CSMD3: variants seen among roughly 807,000 people sequenced by gnomAD.
CSMD3 encodes the protein CUB and Sushi multiple domains 3.
CSMD3 carries 177 observed loss-of-function variants against 435.2 expected under a neutral mutation model. The ratio of observed to expected loss-of-function variants is 0.41; its 90% CI spans 0.36 to 0.46. CSMD3 has a LOEUF of 0.46. Ranked by LOEUF, CSMD3 falls within the 20% of genes least tolerant of loss-of-function variation. The probability of loss-of-function intolerance (pLI) is 0.34; values close to 1 mark genes in which losing one functional copy is unlikely to be tolerated. For synonymous variants in CSMD3, 1,656 were observed against 1,520.5 expected (o/e 1.09, Z -2.07); for missense variants, 4,265 against 4,504.6 (o/e 0.95, Z 1.52).
chr8:112,832,883 A>C lies in CSMD3; in HGVS notation c.1756-3094T>G, dbSNP rs2079917210. Among the ~76,000 whole-genome samples, 5 of 152,276 alleles carry C rather than the reference A, an allele frequency of 3.3e-5. 1 individual carries two copies. The South Asian group carries it at 1.0e-3, about 32-fold the overall frequency. On this transcript the variant is annotated intron_variant, in intron 11 of 70. Transcript: ENST00000297405. ...TTTCATTTTTCCCTCCAATATGAAC[A>C]TCCAGTTGTCTCAATACTTTTTATT...
At chr8:112,409,153 T>A in intron 32 of CSMD3, 121 bp from the exon 33 acceptor site, 5 of 1,523,180 alleles carry the variant, frequency 3.3e-6, no homozygotes, top group Non-Finnish European at 3.5e-6. Flanking sequence ...AATAGTCATT[T>A]TTTTTCTACC....
chr8:112,909,170 T>A (rs1382913600), intron 10 of CSMD3, among the ~76,000 whole-genome samples: 1 of 151,580 alleles, frequency 6.6e-6, no homozygotes, highest in Non-Finnish European at 1.5e-5. Flanking sequence ...TGAATATTTA[T>A]CATTCAAACA....
At chr8:112,781,009 A>G (rs1036648736) in intron 13 of CSMD3, among the ~76,000 whole-genome samples, 4 of 152,008 alleles carry the variant, frequency 2.6e-5, no homozygotes, top group Non-Finnish European at 5.9e-5. Context: ...AGCTTCTGTC[A>G]CCCACCCCTA....
intron 13 of CSMD3, among the ~76,000 whole-genome samples, chr8:112,758,051 A>G (rs1170174131): frequency 6.6e-6 from 1 of 151,898 alleles, no homozygotes. Flanking sequence ...ATGAAACTCC[A>G]TCTCAAAGAT....
chr8:112,665,362 G>A (rs2075496195), intron 17 of CSMD3, among the ~76,000 whole-genome samples: 1 of 152,084 alleles, frequency 6.6e-6, no homozygotes, highest in Admixed American at 6.6e-5. Flanking sequence ...GTAGAATGAA[G>A]CCATGTGAAA....
At chr8:112,724,228 T>C (rs1242533183) in intron 13 of CSMD3, among the ~76,000 whole-genome samples, 3 of 151,696 alleles carry the variant, frequency 2.0e-5, no homozygotes, top group African/African-American at 4.8e-5. Flanking sequence ...CATGGACATA[T>C]AAGAGGAAAG....
chr8:113,027,379 A>G (rs1423335133), intron 5 of CSMD3, among the ~76,000 whole-genome samples: 1 of 152,178 alleles, frequency 6.6e-6, no homozygotes, highest in Non-Finnish European at 1.5e-5. Flanking sequence ...GCGGGGTACT[A>G]AAAGTTGAAA....
intron 22 of CSMD3, among the ~76,000 whole-genome samples, chr8:112,625,051 A>G (rs1167413714): frequency 6.6e-6 from 1 of 152,108 alleles, no homozygotes; most frequent in Non-Finnish European, 1.5e-5. Flanking sequence ...AAAAAAAAGA[A>G]AAGAAAACAT....
At chr8:112,583,183 T>C (rs1044069851) in intron 23 of CSMD3, among the ~76,000 whole-genome samples, 4 of 152,040 alleles carry the variant, frequency 2.6e-5, no homozygotes, top group African/African-American at 4.8e-5. Flanking sequence ...AGGAATAATA[T>C]ACAAAGTGTG....
rs762653974 is a variant in CSMD3, at chr8:112,586,128, T to C, written c.3885+938A>G. On this transcript the variant is annotated intron_variant, in intron 23 of 70. Coordinates refer to ENST00000297405, the MANE Select transcript of CSMD3 (RefSeq NM_198123.2). ...GTTATTGTGTTAGAGAGCCATCAAT[T>C]ACCATGAAATAATATTTTTTTAAAA... Among the ~76,000 whole-genome samples, 77 of 151,626 alleles carry C rather than the reference T, an allele frequency of 5.1e-4. 1 individual carries two copies. The highest frequency in any genetic ancestry group is 1.0e-4 in the Non-Finnish European group (7 of 67,634).
Position 112,681,028 on chromosome 8 carries a change from T to C in CSMD3, c.2677+1414A>G, listed in dbSNP as rs552481580. Among the ~76,000 whole-genome samples, 6 of 151,414 alleles carry C rather than the reference T, an allele frequency of 4.0e-5. No individual in the cohort carries two copies. In the East Asian group the frequency reaches 1.2e-3, roughly 29 times the overall value. On this transcript the variant is annotated intron_variant, in intron 16 of 70. Coordinates refer to ENST00000297405, the MANE Select transcript of CSMD3 (RefSeq NM_198123.2). ...TTAGTAAAAGTTCATTTGTATACTT[T>C]TTTCCTTTTTCTTTTTTTTTTTTTT...
At chr8:112,338,352 T>C (rs1177390352) in intron 42 of CSMD3, among the ~76,000 whole-genome samples, 2 of 152,240 alleles carry the variant, frequency 1.3e-5, no homozygotes, top group Admixed American at 6.5e-5. Context: ...CTACATTTTG[T>C]ATGAGATCAA....
intron 13 of CSMD3, among the ~76,000 whole-genome samples, chr8:112,769,125 G>C (rs2078052106): frequency 1.3e-5 from 2 of 151,824 alleles, no homozygotes; most frequent in Admixed American, 1.3e-4. Context: ...CTCTAATATG[G>C]AATGATCTCT....
intron 4 of CSMD3, among the ~76,000 whole-genome samples, chr8:113,153,101 A>AAAGAAAGGAAAG (rs35085690): frequency 1.0e-5 from 1 of 99,992 alleles, no homozygotes; most frequent in African/African-American, 4.7e-5. Flanking sequence ...AGAAAGAAAG[A>AAAGAAAGGAAAG]AAAGAAAGAA....
intron 9 of CSMD3, among the ~76,000 whole-genome samples, chr8:112,926,261 C>G (rs369949864): frequency 2.6e-5 from 3 of 115,328 alleles, no homozygotes; most frequent in African/African-American, 9.1e-5. Flanking sequence ...TGTGTGTGAG[C>G]GTGTGTGTGT....
intron 4 of CSMD3, 139 bp downstream of exon 4, chr8:113,173,583 A>T: frequency 1.4e-6 from 1 of 730,218 alleles, no homozygotes; most frequent in East Asian, 2.7e-5. Context: ...CAGCCTCCCA[A>T]AGTGCTGGGA....
At chr8:113,293,558 T>C (rs985768713) in intron 2 of CSMD3, among the ~76,000 whole-genome samples, 1 of 152,080 alleles carries the variant, frequency 6.6e-6, no homozygotes, top group Non-Finnish European at 1.5e-5. Flanking sequence ...CAGTAGTGCA[T>C]GGTACATGGC....
chr8:112,414,326 T>C (rs969370419), intron 32 of CSMD3, among the ~76,000 whole-genome samples: 2 of 152,128 alleles, frequency 1.3e-5, no homozygotes, highest in African/African-American at 4.8e-5. Flanking sequence ...GTTCTCATGA[T>C]AGTGAATGAG....
At chr8:113,197,146 T>C (rs1019228367) in intron 3 of CSMD3, among the ~76,000 whole-genome samples, 4 of 151,146 alleles carry the variant, frequency 2.6e-5, no homozygotes, top group African/African-American at 9.7e-5. Context: ...AACCTGAAAT[T>C]CAAAATTCTT....
Sources: allele counts gnomAD v4.1 joint callset (sites outside exome capture counted in the v4.1 genomes callset), GRCh38; gene constraint gnomAD v4.1.1; transcripts MANE v1.5; gene names NCBI Gene and HGNC (gene_info 2026-07-23, HGNC 2026-07-21).